ARHGAP22: variants seen among roughly 807,000 people sequenced by gnomAD.
The protein encoded by ARHGAP22 is rho GTPase-activating protein 22.
A neutral mutation model predicts 59.1 loss-of-function variants in ARHGAP22; 48 were observed. The ratio of observed to expected loss-of-function variants is 0.81; its 90% CI spans 0.64 to 1.03. The LOEUF (loss-of-function observed/expected upper bound fraction) is 1.03, where lower values mean the gene tolerates loss of function less well. Among genes scored for constraint, ARHGAP22 ranks in the 50% least tolerant of loss-of-function variants. The pLI, the probability that ARHGAP22 is intolerant of heterozygous loss-of-function variation, is 0.00. For missense variants in ARHGAP22, 1,015 were observed against 958.7 expected, an observed-to-expected ratio of 1.06 and a Z score of -0.78; for synonymous variants, 445 against 416.4, an observed-to-expected ratio of 1.07 and a Z score of -0.84.
chr10:48,598,060 C>A (rs181268988), intron 1 of ARHGAP22, among the ~76,000 whole-genome samples: 229 of 152,384 alleles, frequency 1.5e-3, no homozygotes, highest in African/African-American at 5.2e-3. Flanking sequence ...TCTGGGGCTA[C>A]AAGACCAGCT....
intron 2 of ARHGAP22, among the ~76,000 whole-genome samples, chr10:48,563,415 G>A (rs556654090): frequency 1.3e-5 from 2 of 152,084 alleles, no homozygotes; most frequent in Admixed American, 6.5e-5. Flanking sequence ...GGATGGTCTC[G>A]ATCTGACCTC....
At chr10:48,536,381 A>G (rs2055358904) in intron 3 of ARHGAP22, among the ~76,000 whole-genome samples, 1 of 152,216 alleles carries the variant, frequency 6.6e-6, no homozygotes, top group African/African-American at 2.4e-5. Context: ...GCTAGAGGAC[A>G]AAGTTTGCAA....
rs370486035 is a variant in ARHGAP22 at position 48,583,003 on chromosome 10, G to A, written c.184C>T (p.Arg62Cys). Residue 62 changes from arginine (R) to cysteine (C), a missense_variant, in exon 2 of 10, where the codon CGT becomes TGT. Transcript: ENST00000249601. The part of the protein sequence containing the change: ...KNWQQRWFVL[R>C]GDQLFYYKDK... The stretch of plus-strand genomic sequence containing the variant: ...TTGTAGTAGAAAAGCTGATCCCCAC[G>A]CAGCACAAACCAGCGCTGCTGCCAG... 1.5e-5 allele frequency: 24 copies of A among 1,614,092 alleles called. No individual in the cohort carries two copies. Among genetic ancestry groups the A allele is most frequent in the Middle Eastern group, 1.6e-4 (1 of 6,084 alleles).
chr10:48,539,290 C>CTTTTTTTTTTTTT (rs553835954), intron 3 of ARHGAP22, among the ~76,000 whole-genome samples: 11 of 129,332 alleles, frequency 8.5e-5, no homozygotes, highest in East Asian at 3.1e-4. Context: ...AGAAGGGTAA[C>CTTTTTTTTTTTTT]ATTTTTTTTT....
intron 2 of ARHGAP22, among the ~76,000 whole-genome samples, chr10:48,560,296 C>T (rs2057602242): frequency 6.6e-6 from 1 of 152,118 alleles, no homozygotes; most frequent in African/African-American, 2.4e-5. Context: ...AATTGACATC[C>T]TAACAATAAT....
rs564485146 is a variant in ARHGAP22, at chr10:48,492,256, T to C, written c.323-12492A>G. ...TTCTTTACCAAGGTTTATTGAAAAA[T>C]ATTTTTTAAAACTTTTTTTTAAAAA... On this transcript the variant is annotated intron_variant, in intron 3 of 9. Coordinates refer to ENST00000249601, the MANE Select transcript of ARHGAP22 (RefSeq NM_021226.4). 2.0e-5 allele frequency among the ~76,000 whole-genome samples: 3 copies of C among 152,332 alleles called. No individual in the cohort carries two copies. The South Asian group carries it at 6.2e-4, about 32-fold the overall frequency.
intron 3 of ARHGAP22, among the ~76,000 whole-genome samples, chr10:48,515,090 A>G (rs11101356): frequency 0.33 from 50,919 of 152,110 alleles, 10,126 homozygotes; most frequent in Middle Eastern, 0.54. Context: ...AATCTGTATT[A>G]TCAGTAATTA....
chr10:48,653,136 T>A (rs2062628321), upstream of ARHGAP22, among the ~76,000 whole-genome samples: 1 of 152,248 alleles, frequency 6.6e-6, no homozygotes, highest in African/African-American at 2.4e-5. Flanking sequence ...CAGTGACTCC[T>A]GGGAGGGCAT....
chr10:48,485,095 T>C (rs1282193147), intron 3 of ARHGAP22, among the ~76,000 whole-genome samples: 1 of 152,240 alleles, frequency 6.6e-6, no homozygotes, highest in African/African-American at 2.4e-5. Flanking sequence ...CTGTGTAAAC[T>C]TCATTTACAA....
intron 3 of ARHGAP22, among the ~76,000 whole-genome samples, chr10:48,496,236 T>C (rs577026141): frequency 1.0e-3 from 157 of 152,180 alleles, no homozygotes; most frequent in Admixed American, 7.3e-3. Context: ...CCCCTTATGG[T>C]CGGTTGTCTT....
At chr10:48,645,260 C>T (rs1399197209) in intron 1 of ARHGAP22, among the ~76,000 whole-genome samples, 1 of 152,202 alleles carries the variant, frequency 6.6e-6, no homozygotes, top group East Asian at 1.9e-4. Flanking sequence ...CTTCCCAACT[C>T]ATTCTATGAG....
the ARHGAP22 span, among the ~76,000 whole-genome samples, chr10:48,434,453 T>C: frequency 6.6e-6 from 1 of 152,352 alleles, no homozygotes; most frequent in African/African-American, 2.4e-5. Context: ...AAAGACTTTT[T>C]TGTAGGGAAG....
chr10:48,434,856 AT>A, the ARHGAP22 span: 1 of 1,583,670 alleles, frequency 6.3e-7, no homozygotes, highest in Non-Finnish European at 8.6e-7. Context: ...TCTGCAACTG[AT>A]TTGCTGTTTT....
intron 3 of ARHGAP22, among the ~76,000 whole-genome samples, chr10:48,529,917 C>A (rs921550788): frequency 6.6e-6 from 1 of 152,132 alleles, no homozygotes; most frequent in Admixed American, 6.5e-5. Context: ...AAGAATGAAA[C>A]TGGATCCTCA....
chr10:48,598,140 G>A (rs2060175908), intron 1 of ARHGAP22, among the ~76,000 whole-genome samples: 1 of 152,244 alleles, frequency 6.6e-6, no homozygotes, highest in South Asian at 2.1e-4. Flanking sequence ...GGTCAGGTGG[G>A]GGCACTTATG....
chr10:48,458,908 G>A (rs990667886), intron 5 of ARHGAP22, among the ~76,000 whole-genome samples: 1 of 152,196 alleles, frequency 6.6e-6, no homozygotes, highest in Admixed American at 6.5e-5. Context: ...GCCTGGGAAA[G>A]AGCTGAGGGG....
At chr10:48,508,060 C>T (rs1170234314) in intron 3 of ARHGAP22, among the ~76,000 whole-genome samples, 1 of 152,146 alleles carries the variant, frequency 6.6e-6, no homozygotes, top group African/African-American at 2.4e-5. Flanking sequence ...GATGGTCAGA[C>T]TCCAAGTGTC....
At position 48,451,122 on chromosome 10, in the gene ARHGAP22, T is replaced by C. The variant is rs757002647; in HGVS notation, c.1007A>G (p.His336Arg). ...TTTGCGGATGAGGACGGTCATCAGG[T>C]GCTGGACGAGGGAAGTGCCTGCCGG... ...TIMEGTSLVQ[H>R]LMTVLIRKHS... is the part of the protein sequence containing the mutation. Residue 336 changes from histidine (H) to arginine (R), a missense_variant, in exon 9 of 10, where the codon CAC becomes CGC. By Grantham distance (29) the His-to-Arg change is conservative (BLOSUM62 0). Transcript: ENST00000249601. 13 of 1,552,312 alleles carry C rather than the reference T, an allele frequency of 8.4e-6. 1 individual carries two copies. In the South Asian group the frequency reaches 1.5e-4, roughly 18 times the overall value.
At chr10:48,643,487 G>T (rs1033764514) in intron 1 of ARHGAP22, among the ~76,000 whole-genome samples, 3 of 151,732 alleles carry the variant, frequency 2.0e-5, no homozygotes, top group Non-Finnish European at 2.9e-5. Context: ...ATCATTCTCA[G>T]CAAACTATTG....
Sources: gnomAD v4.1 joint callset for allele counts (sites outside exome capture counted in the v4.1 genomes callset) on GRCh38, gnomAD v4.1.1 for gene constraint, MANE v1.5 for transcripts, NCBI Gene and HGNC (gene_info 2026-07-23, HGNC 2026-07-21) for gene names.